The following PLEKHG5 variants were observed in gnomAD, a reference collection of about 807,000 sequenced individuals.
PLEKHG5 encodes the protein pleckstrin homology and RhoGEF domain containing G5, also known as pleckstrin homology domain-containing family G member 5.
A neutral mutation model predicts 103.8 loss-of-function variants in PLEKHG5; 52 were observed. That is an observed-to-expected ratio of 0.50 (90% confidence interval 0.40 to 0.63). The LOEUF (loss-of-function observed/expected upper bound fraction) is 0.63, where lower values mean the gene tolerates loss of function less well. PLEKHG5 is among the 30% of genes least tolerant of loss of function. The probability of loss-of-function intolerance (pLI) is 0.00; values close to 1 mark genes in which losing one functional copy is unlikely to be tolerated. For missense variants in PLEKHG5, 1,205 were observed against 1,347.6 expected, an observed-to-expected ratio of 0.89 and a Z score of 1.66; for synonymous variants, 592 against 575.5, an observed-to-expected ratio of 1.03 and a Z score of -0.41.
rs140856444 is a variant in PLEKHG5, at chr1:6,511,910, G to A, written c.-165+7535C>T. On this transcript the variant is annotated intron_variant, in intron 1 of 21. Transcript: ENST00000377740. ...GAGGCCCTTGGAAGCCGGGGAGCCC[G>A]TGCTACTCTCTTCCCTGTGCTCAGG... Among the ~76,000 whole-genome samples the A allele has an allele frequency of 1.1e-3, 164 of 152,328 alleles. 1 individual carries two copies. The highest frequency in any genetic ancestry group is 3.8e-3 in the African/African-American group (157 of 41,586).
At chr1:6,477,359 G>T (rs1644788196) in intron 2 of PLEKHG5, among the ~76,000 whole-genome samples, 170 bp downstream of exon 2, 1 of 152,224 alleles carries the variant, frequency 6.6e-6, no homozygotes, top group Non-Finnish European at 1.5e-5. Context: ...CACGCTCATG[G>T]ACTTTCTCTC....
chr1:6,472,359 A>G (rs1303601142), intron 10 of PLEKHG5, among the ~76,000 whole-genome samples, 168 bp downstream of exon 10: 1 of 152,184 alleles, frequency 6.6e-6, no homozygotes, highest in African/African-American at 2.4e-5. Flanking sequence ...GCCCCCTCCC[A>G]GGTTCCTCTA....
rs187222631 is a variant in PLEKHG5, at chr1:6,491,366, A to G, written c.-88+271T>C. 1.3e-5 allele frequency among the ~76,000 whole-genome samples: 2 copies of G among 152,112 alleles called. No individual in the cohort carries two copies. Among genetic ancestry groups the G allele is most frequent in the East Asian group, 1.9e-4 (1 of 5,186 alleles). On this transcript the variant is annotated intron_variant, in intron 1 of 20. Transcript: ENST00000377728. This position sits in a 1 kb window ranked among gnomAD's most constrained non-coding sequence, Gnocchi z 4.1. ...CCACACAACCCTTGGGGCTGGGCCT[A>G]TACTAGGGCAGCTCCTGGCTGGGCC...
At chr1:6,497,400 A>T, upstream of PLEKHG5, 1 of 1,013,906 alleles carries the variant, frequency 9.9e-7, no homozygotes, top group Non-Finnish European at 1.2e-6. This position sits in a 1 kb window ranked among gnomAD's most constrained non-coding sequence, Gnocchi z 6.1. Context: ...GAGGCCGCAG[A>T]GCCGCCGCCG....
At chr1:6,474,289 CCAG>C in intron 6 of PLEKHG5, 125 bp from the exon 7 acceptor site, 1 of 1,288,696 alleles carries the variant, frequency 7.8e-7, no homozygotes, top group Non-Finnish European at 1.1e-6. Context: ...CCCCGCCCTG[CCAG>C]CACCCTCCCC....
At chr1:6,472,930 C>T (rs897545063) in intron 9 of PLEKHG5, 56 bp downstream of exon 9, 24 of 1,547,452 alleles carry the variant, frequency 1.6e-5, no homozygotes, top group African/African-American at 9.5e-5. Context: ...TGGGTCCTCC[C>T]GAGGGCTGTC....
intron 1 of PLEKHG5, among the ~76,000 whole-genome samples, chr1:6,504,437 C>CCT (rs1638245494): frequency 6.6e-6 from 1 of 152,194 alleles, no homozygotes; most frequent in Admixed American, 6.5e-5. Context: ...ACTGTACCTG[C>CCT]CTCTCCTGAC....
In PLEKHG5 at chr1:6,473,026, C is replaced by T. The variant is rs573628172; in HGVS notation, c.944G>A (p.Arg315Lys). The T allele has an allele frequency of 1.2e-6, 2 of 1,614,118 alleles. No homozygotes were observed. Among genetic ancestry groups the T allele is most frequent in the East Asian group, 4.5e-5 (2 of 44,884 alleles). Residue 315 changes from arginine to lysine, a missense_variant, in exon 9 of 21, where the codon AGG becomes AAG. Coordinates refer to ENST00000377728, the MANE Select transcript of PLEKHG5 (RefSeq NM_020631.6). Reference protein sequence around the residue: ...EDEDEDNACLRLEDSWRELID... With the variant: ...EDEDEDNACLKLEDSWRELID... ...GAGCTCCCGCCAGCTGTCCTCCAGC[C>T]TCAGGCAGGCATTGTCCTCATCCTC...
Position 6,476,018 on chromosome 1 carries a change from T to G in PLEKHG5, c.62A>C (p.Asn21Thr). ...CGGCGGGCATGACCGGGTGGACACG[T>G]TCCGGGCCAGCACAGAGCCTTGGGA... ...LPPQGSVLAR[N>T]VSTRSCPPRT... Residue 21 changes from asparagine to threonine, a missense_variant, in exon 3 of 21, where the codon AAC (asparagine) becomes ACC (threonine). By Grantham distance (65) the Asn-to-Thr change is moderately conservative. Transcript: ENST00000377728. The G allele has an allele frequency of 1.9e-6, 3 of 1,613,504 alleles. No individual in the cohort carries two copies. Among genetic ancestry groups the G allele is most frequent in the Non-Finnish European group, 2.5e-6 (3 of 1,180,004 alleles).
chr1:6,513,655 A>C (rs1168607744), intron 1 of PLEKHG5, among the ~76,000 whole-genome samples: 1 of 152,196 alleles, frequency 6.6e-6, no homozygotes, highest in Non-Finnish European at 1.5e-5. Context: ...CAAGGAACAA[A>C]GGCTCCTGGG....
chr1:6,477,542 G>A lies in PLEKHG5; in HGVS notation c.30C>T (p.Asp10=), dbSNP rs114209691. Residue 10 remains aspartate, a synonymous_variant, in exon 2 of 21, where the codon GAC becomes GAT. Transcript: ENST00000377728. MHYDGHVRF[D]LPPQGSVLAR... ...GCCTGTGCTCACCTTGTGGGGGAAG[G>A]TCGAAGCGGACATGCCCATCATAAT... is the stretch of plus-strand genomic sequence containing the variant. The A allele has an allele frequency of 1.5e-3, 2,391 of 1,612,138 alleles. 27 individuals carry two copies. The African/African-American group carries it at 0.028, about 19-fold the overall frequency.
intron 10 of PLEKHG5, 134 bp from the exon 11 acceptor site, chr1:6,471,942 A>C: frequency 1.1e-6 from 1 of 892,940 alleles, no homozygotes. Flanking sequence ...ACGGATAAGA[A>C]GGCTGTACCC....
In PLEKHG5 at chr1:6,514,557, T is replaced by A. The variant is rs569074694; in HGVS notation, c.-165+4888A>T. 1.3e-4 allele frequency among the ~76,000 whole-genome samples: 19 copies of A among 150,466 alleles called. 2 individuals are homozygous for A. In the South Asian group the frequency reaches 3.6e-3, roughly 28 times the overall value. On this transcript the variant is annotated intron_variant, in intron 1 of 21. Coordinates refer to the PLEKHG5 transcript ENST00000377740. ...GCAGGCAGATCACGAGGTCAGGAGT[T>A]CCAGATCAGCCTGGCCAACATGGTG...
rs1187372107 is a variant in PLEKHG5 at position 6,487,438 on chromosome 1, T to C, written c.-88+4199A>G. On this transcript the variant is annotated intron_variant, in intron 1 of 20. Transcript: ENST00000377728. This position sits in a 1 kb window ranked among gnomAD's most constrained non-coding sequence, Gnocchi z 4.1. ...GGCCAACAGGCAGAGTTTTGAAAAC[T>C]AAAACTTCCCATCTTGCTTATAGTG... Among the ~76,000 whole-genome samples, 1 of 152,172 alleles carries C rather than the reference T, an allele frequency of 6.6e-6. No homozygotes were observed. The highest frequency in any genetic ancestry group is 2.4e-5 in the African/African-American group (1 of 41,446).
Position 6,468,157 on chromosome 1 carries a change from C to A in PLEKHG5, c.2679G>T (p.Gly893=). 6.4e-7 allele frequency: 1 copy of A among 1,569,568 alleles called. No homozygotes were observed. The highest frequency in any genetic ancestry group is 1.2e-5 in the South Asian group (1 of 84,026). The change falls in exon 20 of 21, where the codon GGG becomes GGT. Residue 893 remains glycine (G), a synonymous_variant. Coordinates refer to ENST00000377728, the MANE Select transcript of PLEKHG5 (RefSeq NM_020631.6). The part of the protein sequence containing the change: ...LQLLAGAGTH[G]TPSAPSRSLS... ...GGCTGCGGCTGGGGGCAGAGGGTGTCCCATGGGTGCCAGCCCCTGCCAGCA... is the reference window on the plus strand; with the variant it reads ...GGCTGCGGCTGGGGGCAGAGGGTGTACCATGGGTGCCAGCCCCTGCCAGCA...
intron 2 of PLEKHG5, among the ~76,000 whole-genome samples, chr1:6,477,104 G>T (rs1644783217): frequency 6.6e-6 from 1 of 152,132 alleles, no homozygotes; most frequent in South Asian, 2.1e-4. Flanking sequence ...TCAGCAAGAG[G>T]AATTTCTTAT....
chr1:6,506,454 T>C (rs936202944), intron 1 of PLEKHG5, among the ~76,000 whole-genome samples: 3 of 152,210 alleles, frequency 2.0e-5, no homozygotes, highest in African/African-American at 7.2e-5. Context: ...GGAGACGGGC[T>C]GGCCGTCTGG....
chr1:6,494,118 ATTTTTTTTTT>A (rs36105555), upstream of PLEKHG5, among the ~76,000 whole-genome samples: 59 of 75,742 alleles, frequency 7.8e-4, no homozygotes, highest in East Asian at 0.023. Flanking sequence ...CACCTGGCTA[ATTTTTTTTTT>A]TTTTTTTTTT....
chr1:6,494,118 ATTTTTTTTTTT>A (rs36105555), upstream of PLEKHG5, among the ~76,000 whole-genome samples: 7 of 75,740 alleles, frequency 9.2e-5, no homozygotes, highest in South Asian at 4.1e-4. Flanking sequence ...CACCTGGCTA[ATTTTTTTTTTT>A]TTTTTTTTTT....
Sources: allele counts gnomAD v4.1 joint callset (sites outside exome capture counted in the v4.1 genomes callset), GRCh38; gene constraint gnomAD v4.1.1; non-coding constraint Gnocchi (gnomAD v3.1); transcripts MANE v1.5; gene names NCBI Gene and HGNC (gene_info 2026-07-23, HGNC 2026-07-21).